ITCH: variants seen among roughly 807,000 people sequenced by gnomAD.
The protein encoded by ITCH is E3 ubiquitin-protein ligase Itchy homolog.
In ITCH, 28 loss-of-function variants were observed where a neutral mutation model predicts 126.8. The ratio of observed to expected loss-of-function variants is 0.22; its 90% confidence interval spans 0.16 to 0.30. ITCH has a LOEUF of 0.30. Among genes scored for constraint, ITCH ranks in the 10% least tolerant of loss-of-function variants. The pLI, the probability that ITCH is intolerant of heterozygous loss-of-function variation, is 1.00. For synonymous variants in ITCH, 342 were observed against 340.0 expected (o/e 1.01, Z -0.06); for missense variants, 631 against 1,032.4 (o/e 0.61, Z 5.33).
chr20:34,451,915 A>G (rs1326276248), intron 12 of ITCH, among the ~76,000 whole-genome samples: 1 of 151,954 alleles, frequency 6.6e-6, no homozygotes, highest in African/African-American at 2.4e-5. Flanking sequence ...AAAAAAATAC[A>G]AAAAATAATC....
In ITCH at chr20:34,470,132, A is replaced by G. The variant is rs745349411; in HGVS notation, c.1497+12A>G. 2 of 1,602,124 alleles carry G rather than the reference A, an allele frequency of 1.2e-6. No individual in the cohort carries two copies. The highest frequency in any genetic ancestry group is 4.5e-5 in the East Asian group (2 of 44,742). On this transcript the variant is annotated intron_variant, in intron 15 of 24. Coordinates refer to ENST00000374864, the MANE Select transcript of ITCH (RefSeq NM_031483.7). Reference sequence around the variant, plus strand: ...GGTTCTGGTGTCAGGTTAGTATTGGAACTGTATCTCTGTACTGCCTTAACT... The same window carrying G: ...GGTTCTGGTGTCAGGTTAGTATTGGGACTGTATCTCTGTACTGCCTTAACT...
At chr20:34,451,999 G>A (rs1027956298) in intron 12 of ITCH, among the ~76,000 whole-genome samples, 3 of 149,744 alleles carry the variant, frequency 2.0e-5, no homozygotes, top group African/African-American at 7.4e-5. Flanking sequence ...AGCCTGGGAA[G>A]TCAAGGCTGC....
At chr20:34,491,826 A>G (rs899045230) in intron 22 of ITCH, among the ~76,000 whole-genome samples, 10 of 152,240 alleles carry the variant, frequency 6.6e-5, no homozygotes, top group Non-Finnish European at 1.5e-5. Context: ...ATGTGTAGCT[A>G]TACCAAAACC....
intron 2 of ITCH, among the ~76,000 whole-genome samples, chr20:34,383,010 G>A (rs2038126597): frequency 6.6e-6 from 1 of 151,936 alleles, no homozygotes; most frequent in Non-Finnish European, 1.5e-5. Flanking sequence ...CCAAAATGCT[G>A]ATATTACAGC....
At chr20:34,409,565 T>C (rs980968417) in intron 4 of ITCH, among the ~76,000 whole-genome samples, 4 of 152,182 alleles carry the variant, frequency 2.6e-5, no homozygotes, top group African/African-American at 9.7e-5. Context: ...AACACTAATA[T>C]CATGGTGATC....
rs1989586247 is a variant in ITCH at position 34,492,495 on chromosome 20, T to C, written c.2320-6T>C. On this transcript the variant is annotated splice_polypyrimidine_tract_variant and splice_region_variant and intron_variant, in intron 22 of 24. Coordinates refer to ENST00000374864, the MANE Select transcript of ITCH (RefSeq NM_031483.7). ...ATATATATCTCTTTAAATATACTTTTAACAGTTTGTTAAAGAAATTGATAA... is the reference window on the plus strand; with the variant it reads ...ATATATATCTCTTTAAATATACTTTCAACAGTTTGTTAAAGAAATTGATAA... 1.3e-6 allele frequency: 2 copies of C among 1,519,298 alleles called. No homozygotes were observed. The highest frequency in any genetic ancestry group is 1.1e-5 in the South Asian group (1 of 89,240). 94.1% of individuals were successfully genotyped at this position (1,519,298 alleles called of 1,614,324 possible). A position where few individuals can be genotyped will look rare whatever the true frequency, so the allele number is the denominator to read the frequency against.
chr20:34,501,992 A>G (rs2146556848), intron 23 of ITCH, among the ~76,000 whole-genome samples: 1 of 152,296 alleles, frequency 6.6e-6, no homozygotes, highest in East Asian at 1.9e-4. Context: ...TCCTGTCATG[A>G]AATTCTACTA....
At chr20:34,450,231 G>A (rs558089907) in intron 12 of ITCH, among the ~76,000 whole-genome samples, 24 of 152,324 alleles carry the variant, frequency 1.6e-4, no homozygotes, top group African/African-American at 5.3e-4. Flanking sequence ...GGAGAAAAAT[G>A]AAGTATATGT....
chr20:34,454,817 G>GTTTTTTTTTTTTT (rs200486269), intron 12 of ITCH, among the ~76,000 whole-genome samples: 3 of 109,536 alleles, frequency 2.7e-5, no homozygotes, highest in African/African-American at 1.1e-4. Context: ...TTCTTTTCCT[G>GTTTTTTTTTTTTT]TTTTTTTTTT....
At position 34,489,417 on chromosome 20, in the gene ITCH, A is replaced by G. The variant is rs139778492; in HGVS notation, c.2214+31A>G. 5.0e-6 allele frequency: 8 copies of G among 1,597,118 alleles called. No individual in the cohort carries two copies. In the South Asian group the frequency reaches 6.6e-5, roughly 13 times the overall value. On this transcript the variant is annotated intron_variant, in intron 21 of 24. Transcript: ENST00000374864. The stretch of plus-strand genomic sequence containing the variant: ...GAATTTTCCTTCATTCCCCTGTACC[A>G]TGCTAGTAAATAATGCCTTAAGTTG...
In ITCH at chr20:34,414,942, G is replaced by A. The variant is rs1979623307; in HGVS notation, c.475+1063G>A. ...CTTACAATCTCTGATTTACTAGTGT[G>A]TGTTAAAGGAAAATAAACTGTGGTG... On this transcript the variant is annotated intron_variant, in intron 6 of 24. Coordinates refer to ENST00000374864, the MANE Select transcript of ITCH (RefSeq NM_031483.7). Among the ~76,000 whole-genome samples the A allele has an allele frequency of 2.0e-5, 3 of 152,320 alleles. No homozygotes were observed. In the South Asian group the frequency reaches 6.2e-4, roughly 32 times the overall value.
chr20:34,390,821 C>T (rs1285315929), intron 2 of ITCH, among the ~76,000 whole-genome samples: 2 of 151,306 alleles, frequency 1.3e-5, no homozygotes, highest in Non-Finnish European at 1.5e-5. Context: ...AGTGCAATGG[C>T]GCAATCTTGG....
intron 15 of ITCH, among the ~76,000 whole-genome samples, chr20:34,471,224 T>C (rs1987591315): frequency 6.6e-6 from 1 of 152,208 alleles, no homozygotes; most frequent in African/African-American, 2.4e-5. Flanking sequence ...GCAGTGTGCA[T>C]ATGAGATCAA....
chr20:34,435,750 G>A (rs1001710920), intron 7 of ITCH, among the ~76,000 whole-genome samples: 10 of 152,154 alleles, frequency 6.6e-5, no homozygotes, highest in Non-Finnish European at 8.8e-5. Flanking sequence ...TTTCTGGGAG[G>A]GGAAGCAGTT....
intron 19 of ITCH, 114 bp downstream of exon 19, chr20:34,480,846 T>C: frequency 9.8e-7 from 1 of 1,017,044 alleles, no homozygotes; most frequent in Middle Eastern, 3.1e-4. Context: ...TTAAATGATC[T>C]ATATATCAAA....
At chr20:34,482,212 C>T (rs1988802758) in intron 20 of ITCH, among the ~76,000 whole-genome samples, 1 of 152,120 alleles carries the variant, frequency 6.6e-6, no homozygotes, top group Admixed American at 6.5e-5. Context: ...ATCATTCTGC[C>T]CCTAGCCCCT....
chr20:34,476,007 T>C (rs1486823885), intron 16 of ITCH: 4 of 1,599,330 alleles, frequency 2.5e-6, no homozygotes, highest in Admixed American at 1.7e-5. Flanking sequence ...TCCATAGATT[T>C]TGTCAAACAG....
intron 12 of ITCH, among the ~76,000 whole-genome samples, chr20:34,456,658 A>ATGTGTGTGTG (rs1335376931): frequency 1.4e-5 from 2 of 143,268 alleles, no homozygotes; most frequent in African/African-American, 5.1e-5. Context: ...ATATATATAT[A>ATGTGTGTGTG]TGTGTGTGTG....
At chr20:34,445,557 A>G in intron 11 of ITCH, 96 bp downstream of exon 11, 2 of 1,202,590 alleles carry the variant, frequency 1.7e-6, no homozygotes, top group Non-Finnish European at 2.5e-6. Context: ...AGGTGCAAGT[A>G]GCATGGCAAC....
Sources: gnomAD v4.1 joint callset for allele counts (sites outside exome capture counted in the v4.1 genomes callset) on GRCh38, gnomAD v4.1.1 for gene constraint, MANE v1.5 for transcripts, NCBI Gene and HGNC (gene_info 2026-07-23, HGNC 2026-07-21) for gene names.